Variants in DNAJC1 observed in about 807,000 individuals in gnomAD.
The protein encoded by DNAJC1 is DnaJ heat shock protein family (Hsp40) member C1.
Under a neutral mutation model 76.6 loss-of-function variants are expected in DNAJC1, and 58 were observed. That is an observed-to-expected ratio of 0.76 (90% CI 0.61 to 0.94). DNAJC1 has a LOEUF of 0.94. DNAJC1 is among the 40% of genes least tolerant of loss of function. DNAJC1 has a pLI of 0.00. For missense variants in DNAJC1, 689 were observed against 677.3 expected (o/e 1.02, Z -0.19); for synonymous variants, 258 against 267.9 (o/e 0.96, Z 0.36).
intron 1 of DNAJC1, among the ~76,000 whole-genome samples, chr10:21,965,764 TTCC>T (rs1432032231): frequency 1.3e-5 from 2 of 152,116 alleles, no homozygotes; most frequent in Non-Finnish European, 2.9e-5. Context: ...GGTGGACGCG[TTCC>T]TCCTATTTTT....
chr10:21,979,367 A>C (rs1685162277), intron 1 of DNAJC1, among the ~76,000 whole-genome samples: 1 of 152,074 alleles, frequency 6.6e-6, no homozygotes, highest in Non-Finnish European at 1.5e-5. Context: ...GATCTAAAGA[A>C]TCTATATCCC....
chr10:21,988,816 T>G (rs1352323565), intron 1 of DNAJC1, among the ~76,000 whole-genome samples: 1 of 152,154 alleles, frequency 6.6e-6, no homozygotes, highest in Non-Finnish European at 1.5e-5. Context: ...TAATTTAACT[T>G]TAGGAGGATT....
chr10:21,961,621 T>C (rs1410489312), intron 1 of DNAJC1, among the ~76,000 whole-genome samples: 1 of 152,140 alleles, frequency 6.6e-6, no homozygotes, highest in Non-Finnish European at 1.5e-5. Flanking sequence ...CAGTTTCTGT[T>C]TGGAGTGATG....
At position 21,981,258 on chromosome 10, in the gene DNAJC1, T is replaced by C. The variant is rs540929697; in HGVS notation, c.222+21955A>G. Reference sequence around the variant, plus strand: ...TGATTACTTCCATCCTTTCAACTCATAGTTTACGATGGTATGGAGACCAGT... The same window carrying C: ...TGATTACTTCCATCCTTTCAACTCACAGTTTACGATGGTATGGAGACCAGT... On this transcript the variant is annotated intron_variant, in intron 1 of 11. Coordinates refer to ENST00000376980, the MANE Select transcript of DNAJC1 (RefSeq NM_022365.4). 5.3e-5 allele frequency among the ~76,000 whole-genome samples: 8 copies of C among 152,320 alleles called. No individual in the cohort carries two copies. The South Asian group carries it at 1.7e-3, about 32-fold the overall frequency.
chr10:21,944,486 A>C (rs550484932), intron 1 of DNAJC1, among the ~76,000 whole-genome samples: 4 of 152,238 alleles, frequency 2.6e-5, no homozygotes, highest in Non-Finnish European at 5.9e-5. Context: ...TATTGTTTTA[A>C]GTTCCCACTG....
At chr10:21,828,451 T>TTTTAC (rs1279046175) in intron 8 of DNAJC1, among the ~76,000 whole-genome samples, 10 of 152,240 alleles carry the variant, frequency 6.6e-5, no homozygotes, top group Middle Eastern at 3.2e-3. Context: ...GCTTCAAATA[T>TTTTAC]TTTACAAGTT....
In DNAJC1 at chr10:21,759,460, C is replaced by T. The variant is rs774109956; in HGVS notation, c.1306G>A (p.Gly436Arg). The change falls in exon 11 of 12, where the codon GGG becomes AGG. Residue 436 changes from glycine (G) to arginine (R), a missense_variant. Coordinates refer to ENST00000376980, the MANE Select transcript of DNAJC1 (RefSeq NM_022365.4). Reference protein sequence around the residue: ...QEGDSGEQETGATDARPRRRK... With the variant: ...QEGDSGEQETRATDARPRRRK... ...CTCCGAGGCCGGGCATCAGTGGCCC[C>T]GGTCTCCTGCTCACCGGAGTCTCCC... is the stretch of plus-strand genomic sequence containing the variant. 2.1e-5 allele frequency: 34 copies of T among 1,614,044 alleles called. No homozygotes were observed. The highest frequency in any genetic ancestry group is 8.0e-5 in the African/African-American group (6 of 74,960).
chr10:21,788,901 G>A (rs949774499), intron 9 of DNAJC1, among the ~76,000 whole-genome samples: 4 of 152,102 alleles, frequency 2.6e-5, no homozygotes, highest in Admixed American at 1.3e-4. Flanking sequence ...CTGCTAGAAG[G>A]TGCCTCAGAG....
intron 8 of DNAJC1, among the ~76,000 whole-genome samples, chr10:21,870,447 G>C (rs1322601490): frequency 6.6e-6 from 1 of 151,954 alleles, no homozygotes; most frequent in African/African-American, 2.4e-5. Context: ...TTAACAAAAG[G>C]CTTGCAGCAT....
intron 9 of DNAJC1, among the ~76,000 whole-genome samples, chr10:21,784,601 G>C (rs924077315): frequency 1.3e-5 from 2 of 152,122 alleles, no homozygotes; most frequent in South Asian, 4.1e-4. Context: ...ACATGCACAC[G>C]TATGTTTATT....
intron 7 of DNAJC1, among the ~76,000 whole-genome samples, chr10:21,886,549 C>T (rs951863208): frequency 1.3e-5 from 2 of 152,018 alleles, no homozygotes; most frequent in Non-Finnish European, 2.9e-5. Context: ...GTTCAACATC[C>T]TTGATTAACA....
At chr10:21,794,693 C>T (rs1834733422) in intron 9 of DNAJC1, among the ~76,000 whole-genome samples, 1 of 151,804 alleles carries the variant, frequency 6.6e-6, no homozygotes. Flanking sequence ...AAAGCATAAT[C>T]TATAAAAGAA....
chr10:21,955,108 C>CCA (rs1837657026), intron 1 of DNAJC1, among the ~76,000 whole-genome samples: 2 of 152,198 alleles, frequency 1.3e-5, no homozygotes, highest in South Asian at 4.1e-4. Flanking sequence ...AAAAATGTCT[C>CCA]CAGACATTGT....
At chr10:21,972,347 G>C (rs1837994233) in intron 1 of DNAJC1, among the ~76,000 whole-genome samples, 1 of 151,892 alleles carries the variant, frequency 6.6e-6, no homozygotes, top group African/African-American at 2.4e-5. Flanking sequence ...GATCAAGAAA[G>C]ACATTACACA....
intron 9 of DNAJC1, among the ~76,000 whole-genome samples, chr10:21,786,288 A>C (rs1270658416): frequency 1.3e-5 from 2 of 151,924 alleles, no homozygotes; most frequent in Non-Finnish European, 2.9e-5. Context: ...TCCAGATCAT[A>C]CATTAAGAAG....
chr10:21,881,686 A>G (rs1836280396), intron 8 of DNAJC1, among the ~76,000 whole-genome samples: 1 of 152,036 alleles, frequency 6.6e-6, no homozygotes, highest in African/African-American at 2.4e-5. Flanking sequence ...GAGGTCACTG[A>G]TCACAGATGA....
At chr10:21,879,531 C>T (rs1802464809) in intron 8 of DNAJC1, among the ~76,000 whole-genome samples, 2 of 151,920 alleles carry the variant, frequency 1.3e-5, no homozygotes, top group South Asian at 4.1e-4. Flanking sequence ...GGCTGAGACA[C>T]AAGAATCGCT....
intron 7 of DNAJC1, among the ~76,000 whole-genome samples, chr10:21,890,391 CG>C (rs1306475196): frequency 7.4e-6 from 1 of 135,454 alleles, no homozygotes; most frequent in Non-Finnish European, 1.5e-5. Context: ...CCAGCCTGGA[CG>C]AAACAGTGAG....
intron 8 of DNAJC1, among the ~76,000 whole-genome samples, chr10:21,857,628 T>G (rs1007385892): frequency 7.2e-5 from 11 of 152,166 alleles, no homozygotes; most frequent in African/African-American, 2.4e-4. Context: ...AGGGGATGTG[T>G]GTATATGTAT....
Sources: allele counts gnomAD v4.1 joint callset (sites outside exome capture counted in the v4.1 genomes callset), GRCh38; gene constraint gnomAD v4.1.1; transcripts MANE v1.5; gene names NCBI Gene and HGNC (gene_info 2026-07-23, HGNC 2026-07-21).